Variants in DLEU7 observed in about 807,000 individuals in gnomAD.
The protein encoded by DLEU7 is deleted in lymphocytic leukemia 7.
A neutral mutation model predicts 16.0 loss-of-function variants in DLEU7; 17 were observed. The observed-to-expected ratio is 1.06, with a 90% CI of 0.73 to 1.59. The LOEUF (loss-of-function observed/expected upper bound fraction) is 1.59. Among genes scored for constraint, DLEU7 ranks in the 40% most tolerant of loss-of-function variants. DLEU7 has a pLI of 0.00. For missense variants in DLEU7, 308 were observed against 314.9 expected, an observed-to-expected ratio of 0.98 and a Z score of 0.17; for synonymous variants, 113 against 139.8, an observed-to-expected ratio of 0.81 and a Z score of 1.35.
chr13:50,728,493 T>A (rs1465464073), intron 1 of DLEU7, among the ~76,000 whole-genome samples: 2 of 152,160 alleles, frequency 1.3e-5, no homozygotes, highest in African/African-American at 4.8e-5. Context: ...ACATTATAGA[T>A]CTCCAAGAAG....
exon 2 of DLEU7, chr13:50,712,921 A>G: frequency 2.7e-6 from 1 of 374,258 alleles, no homozygotes; most frequent in Non-Finnish European, 4.8e-6. Flanking sequence ...GGAATTTGTC[A>G]CGATCTTCTT....
intron 1 of DLEU7, among the ~76,000 whole-genome samples, chr13:50,797,569 G>A (rs561366): frequency 0.46 from 69,610 of 152,018 alleles, 16,525 homozygotes; most frequent in African/African-American, 0.58. Context: ...TGTAATGTTT[G>A]AAAGCATTCT....
intron 1 of DLEU7, among the ~76,000 whole-genome samples, chr13:50,723,866 T>C (rs1022548367): frequency 2.5e-4 from 38 of 151,344 alleles, no homozygotes; most frequent in African/African-American, 3.9e-4. Flanking sequence ...CACACACACA[T>C]ATATATATAT....
At chr13:50,754,892 G>A (rs372541248) in intron 1 of DLEU7, among the ~76,000 whole-genome samples, 23 of 152,234 alleles carry the variant, frequency 1.5e-4, no homozygotes, top group African/African-American at 4.8e-4. Context: ...TGGTAGTGGC[G>A]AATTCTCTCA....
chr13:50,830,267 A>G (rs572868615), intron 1 of DLEU7, among the ~76,000 whole-genome samples: 1 of 152,362 alleles, frequency 6.6e-6, no homozygotes, highest in African/African-American at 2.4e-5. Flanking sequence ...AACTCAACTG[A>G]TCTATTGGGG....
intron 1 of DLEU7, among the ~76,000 whole-genome samples, chr13:50,810,457 G>A (rs1175651318): frequency 2.0e-5 from 3 of 152,030 alleles, no homozygotes; most frequent in Admixed American, 6.6e-5. Context: ...AGATATGAAT[G>A]TTTTAATACC....
At chr13:50,723,705 A>G (rs978446436) in intron 1 of DLEU7, among the ~76,000 whole-genome samples, 15 of 152,204 alleles carry the variant, frequency 9.9e-5, no homozygotes, top group African/African-American at 3.4e-4. Context: ...CCCCACCCTC[A>G]AAACCTCGTC....
chr13:50,743,352 A>G lies in DLEU7; in HGVS notation c.460-30112T>C, dbSNP rs537435206. Among the ~76,000 whole-genome samples, 5 of 152,234 alleles carry G rather than the reference A, an allele frequency of 3.3e-5. No individual in the cohort carries two copies. The South Asian group carries it at 8.3e-4, about 25-fold the overall frequency. On this transcript the variant is annotated intron_variant, in intron 1 of 1. Coordinates refer to the DLEU7 transcript ENST00000400393. Reference sequence around the variant, plus strand: ...GAGTGTCCCTGTGAATGTCTTTATAAACAGTGGTCAATACTGTGGGAAGGA... The same window carrying G: ...GAGTGTCCCTGTGAATGTCTTTATAGACAGTGGTCAATACTGTGGGAAGGA...
chr13:50,758,406 C>A (rs1874825812), intron 1 of DLEU7, among the ~76,000 whole-genome samples: 1 of 152,084 alleles, frequency 6.6e-6, no homozygotes, highest in Non-Finnish European at 1.5e-5. Flanking sequence ...TGCTGCATAA[C>A]AAATGGCCCC....
intron 1 of DLEU7, among the ~76,000 whole-genome samples, chr13:50,744,075 T>C (rs1593537754): frequency 6.6e-6 from 1 of 152,216 alleles, no homozygotes; most frequent in East Asian, 1.9e-4. Flanking sequence ...TATATGCTTC[T>C]GTTCCCATTT....
intron 1 of DLEU7, among the ~76,000 whole-genome samples, chr13:50,745,703 C>T (rs1593538461): frequency 6.6e-6 from 1 of 152,196 alleles, no homozygotes; most frequent in South Asian, 2.1e-4. Context: ...AACCGAGTGA[C>T]AGCACTGAAA....
intron 1 of DLEU7, among the ~76,000 whole-genome samples, chr13:50,787,042 T>C (rs1047765695): frequency 4.6e-5 from 7 of 152,226 alleles, no homozygotes; most frequent in African/African-American, 1.7e-4. Flanking sequence ...GAGTGGCCTT[T>C]TCTCTCCTAT....
chr13:50,816,161 A>G (rs1489812909), intron 1 of DLEU7, among the ~76,000 whole-genome samples: 1 of 152,064 alleles, frequency 6.6e-6, no homozygotes, highest in African/African-American at 2.4e-5. Context: ...TATGGTTTAT[A>G]TGACTGTTCT....
At chr13:50,817,225 T>C (rs117767188) in intron 1 of DLEU7, among the ~76,000 whole-genome samples, 3,537 of 152,274 alleles carry the variant, frequency 0.023, 56 homozygotes, top group Non-Finnish European at 0.038. Flanking sequence ...CTGCCAACCT[T>C]GGAAGTGTCT....
chr13:50,712,942 G>T (rs1873335985), exon 2 of DLEU7: 2 of 428,368 alleles, frequency 4.7e-6, no homozygotes, highest in South Asian at 4.6e-5. Context: ...AATGGAAGCG[G>T]CTCTAATTGG....
At chr13:50,724,348 T>G (rs1873706657) in intron 1 of DLEU7, among the ~76,000 whole-genome samples, 1 of 152,210 alleles carries the variant, frequency 6.6e-6, no homozygotes, top group South Asian at 2.1e-4. Flanking sequence ...CTTTTGTGAA[T>G]GCACACCATA....
At chr13:50,724,734 C>G (rs1001371267) in intron 1 of DLEU7, among the ~76,000 whole-genome samples, 6 of 152,158 alleles carry the variant, frequency 3.9e-5, no homozygotes, top group African/African-American at 1.4e-4. Flanking sequence ...CTCACTCAGG[C>G]TATCGGCCCA....
chr13:50,793,806 G>C (rs1461169697), intron 1 of DLEU7, among the ~76,000 whole-genome samples: 1 of 152,152 alleles, frequency 6.6e-6, no homozygotes, highest in African/African-American at 2.4e-5. Context: ...TAGGGTGTCT[G>C]TTTACTTCTT....
At chr13:50,831,903 A>G (rs545823515) in intron 1 of DLEU7, among the ~76,000 whole-genome samples, 2 of 152,038 alleles carry the variant, frequency 1.3e-5, no homozygotes, top group South Asian at 4.1e-4. Flanking sequence ...TTTACTGAGG[A>G]TTTTCGCATT....
Sources: allele counts gnomAD v4.1 joint callset (sites outside exome capture counted in the v4.1 genomes callset), GRCh38; gene constraint gnomAD v4.1.1; transcripts MANE v1.5; gene names NCBI Gene and HGNC (gene_info 2026-07-23, HGNC 2026-07-21).